The following CHRM3 variants were observed in gnomAD, a reference collection of about 807,000 sequenced individuals.
The protein encoded by CHRM3 is muscarinic acetylcholine receptor M3.
Under a neutral mutation model 41.8 loss-of-function variants are expected in CHRM3, and 11 were observed. That is an observed-to-expected ratio of 0.26 (90% CI 0.17 to 0.44). CHRM3 has a LOEUF of 0.44. CHRM3 is among the 20% of genes least tolerant of loss of function. The pLI, the probability that CHRM3 is intolerant of heterozygous loss-of-function variation, is 1.00. For synonymous variants in CHRM3, 297 were observed against 301.4 expected, an observed-to-expected ratio of 0.99 and a Z score of 0.15; for missense variants, 571 against 745.4, an observed-to-expected ratio of 0.77 and a Z score of 2.72.
intron 4 of CHRM3, among the ~76,000 whole-genome samples, chr1:239,640,989 G>T (rs56106019): frequency 0.34 from 51,412 of 150,330 alleles, 8,870 homozygotes; most frequent in African/African-American, 0.41. Flanking sequence ...TGGTTTCAAA[G>T]AACATCTTTA....
At chr1:239,482,485 A>T (rs771864990) in intron 1 of CHRM3, among the ~76,000 whole-genome samples, 19 of 152,202 alleles carry the variant, frequency 1.2e-4, no homozygotes, top group Non-Finnish European at 8.8e-5. Context: ...CAAAAACAAG[A>T]TAACCTTAAC....
chr1:239,619,981 T>C (rs1668177707), intron 3 of CHRM3, among the ~76,000 whole-genome samples: 2 of 152,192 alleles, frequency 1.3e-5, no homozygotes, highest in Non-Finnish European at 2.9e-5. Flanking sequence ...AGAATAGTAT[T>C]TTAAAGATAT....
At chr1:239,851,617 A>G (rs377057205) in intron 6 of CHRM3, among the ~76,000 whole-genome samples, 3 of 152,306 alleles carry the variant, frequency 2.0e-5, no homozygotes, top group African/African-American at 4.8e-5. Flanking sequence ...CCCTTTTCAA[A>G]TGGGAAATAA....
intron 4 of CHRM3, 95 bp downstream of exon 4, chr1:239,632,381 G>A (rs972369912): frequency 1.3e-5 from 2 of 152,168 alleles, no homozygotes; most frequent in South Asian, 2.1e-4. Context: ...GAATGTATAA[G>A]TTGGTGTTTT....
At chr1:239,657,316 C>A (rs576590012) in intron 4 of CHRM3, among the ~76,000 whole-genome samples, 3 of 152,290 alleles carry the variant, frequency 2.0e-5, no homozygotes, top group East Asian at 1.9e-4. Flanking sequence ...TTTTAAGTAA[C>A]CTTGTTGAGG....
At chr1:239,720,720 G>A (rs952229819) in intron 5 of CHRM3, among the ~76,000 whole-genome samples, 3 of 151,834 alleles carry the variant, frequency 2.0e-5, no homozygotes, top group African/African-American at 4.8e-5. Flanking sequence ...ATGATTTAAC[G>A]AGAAGACAAA....
chr1:239,631,703 G>A (rs1669854066), intron 3 of CHRM3, among the ~76,000 whole-genome samples: 1 of 152,134 alleles, frequency 6.6e-6, no homozygotes, highest in Non-Finnish European at 1.5e-5. Flanking sequence ...GTGGAGTTAG[G>A]GGATTTTCAT....
intron 6 of CHRM3, among the ~76,000 whole-genome samples, chr1:239,831,863 G>A (rs1672920534): frequency 6.6e-6 from 1 of 152,176 alleles, no homozygotes; most frequent in South Asian, 2.1e-4. Context: ...TCAGGAATTA[G>A]GCAGTAAGGC....
At chr1:239,494,662 C>T (rs1667767063) in intron 2 of CHRM3, among the ~76,000 whole-genome samples, 1 of 152,034 alleles carries the variant, frequency 6.6e-6, no homozygotes, top group Non-Finnish European at 1.5e-5. Context: ...GTATTAAGCC[C>T]AGCATGCATT....
intron 5 of CHRM3, among the ~76,000 whole-genome samples, chr1:239,709,827 G>A (rs1451491345): frequency 6.6e-6 from 1 of 152,022 alleles, no homozygotes; most frequent in Admixed American, 6.6e-5. Flanking sequence ...TCTTGACAAA[G>A]CTACCTTGTT....
chr1:239,897,461 AG>A (rs1157327804), intron 6 of CHRM3, among the ~76,000 whole-genome samples: 6 of 152,262 alleles, frequency 3.9e-5, no homozygotes, highest in Admixed American at 3.3e-4. Context: ...ATTTTTCATC[AG>A]AATAACTTCC....
At chr1:239,663,106 G>T (rs1386555507) in intron 4 of CHRM3, among the ~76,000 whole-genome samples, 1 of 151,570 alleles carries the variant, frequency 6.6e-6, no homozygotes, top group African/African-American at 2.4e-5. Context: ...AGTCAGTCGG[G>T]GCTGTCCCGG....
Position 239,440,390 on chromosome 1 carries a change from A to G in CHRM3, c.-520-52319A>G, listed in dbSNP as rs145303686. 4.5e-3 allele frequency among the ~76,000 whole-genome samples: 689 copies of G among 152,274 alleles called. 5 individuals are homozygous for G. Among genetic ancestry groups the G allele is most frequent in the African/African-American group, 0.016 (658 of 41,546 alleles). On this transcript the variant is annotated intron_variant, in intron 1 of 6. Transcript: ENST00000676153. ...ATAATCCCAGCCCTTTGGGTGGCTG[A>G]GGCCGATGGAGCACCTGAGCCCAGG...
At chr1:239,593,813 C>T (rs1664472882) in intron 3 of CHRM3, among the ~76,000 whole-genome samples, 1 of 152,148 alleles carries the variant, frequency 6.6e-6, no homozygotes, top group African/African-American at 2.4e-5. Flanking sequence ...ATAACCCTTA[C>T]TCAAAATCAA....
At chr1:239,627,689 G>A (rs1404901435) in intron 3 of CHRM3, among the ~76,000 whole-genome samples, 22 of 138,096 alleles carry the variant, frequency 1.6e-4, no homozygotes, top group African/African-American at 5.7e-4. Flanking sequence ...CTCTTTTAGG[G>A]CAGGCCTGGT....
chr1:239,892,541 T>C (rs1678641408), intron 6 of CHRM3, among the ~76,000 whole-genome samples: 1 of 152,218 alleles, frequency 6.6e-6, no homozygotes, highest in Non-Finnish European at 1.5e-5. Context: ...TTATTTGATT[T>C]TACACAGTTT....
chr1:239,522,362 C>T (rs1279120278), intron 2 of CHRM3, among the ~76,000 whole-genome samples: 2 of 152,210 alleles, frequency 1.3e-5, no homozygotes, highest in African/African-American at 4.8e-5. Flanking sequence ...GAGTGAGCCT[C>T]TTGGAAGCTG....
At chr1:239,554,647 ACAT>A (rs1213795197) in intron 3 of CHRM3, among the ~76,000 whole-genome samples, 2 of 152,160 alleles carry the variant, frequency 1.3e-5, no homozygotes. Flanking sequence ...ACTCACTAAA[ACAT>A]CATATTTTGA....
At chr1:239,602,110 G>GTGTGTATA (rs1307023039) in intron 3 of CHRM3, among the ~76,000 whole-genome samples, 106 of 112,830 alleles carry the variant, frequency 9.4e-4, no homozygotes, top group African/African-American at 3.3e-3. Flanking sequence ...GTGTGTGTGT[G>GTGTGTATA]TATATATATA....
Sources: gnomAD v4.1 joint callset for allele counts (sites outside exome capture counted in the v4.1 genomes callset) on GRCh38, gnomAD v4.1.1 for gene constraint, MANE v1.5 for transcripts, NCBI Gene and HGNC (gene_info 2026-07-23, HGNC 2026-07-21) for gene names.